FAM133B: variants seen among roughly 807,000 people sequenced by gnomAD.
FAM133B encodes the protein family with sequence similarity 133 member B, also known as protein FAM133B.
Under a neutral mutation model 46.4 loss-of-function variants are expected in FAM133B, and 25 were observed. That is an observed-to-expected ratio of 0.54 (90% confidence interval 0.39 to 0.75). The LOEUF (loss-of-function observed/expected upper bound fraction) is 0.75. Among genes scored for constraint, FAM133B ranks in the 30% least tolerant of loss-of-function variants. The pLI, the probability that FAM133B is intolerant of heterozygous loss-of-function variation, is 0.00. For synonymous variants in FAM133B, 75 were observed against 86.0 expected (o/e 0.87, Z 0.71); for missense variants, 205 against 277.6 (o/e 0.74, Z 1.86).
intron 10 of FAM133B, among the ~76,000 whole-genome samples, chr7:92,564,092 C>T (rs1322791012): frequency 6.6e-6 from 1 of 152,184 alleles, no homozygotes; most frequent in Non-Finnish European, 1.5e-5. Context: ...TTCCTACCCT[C>T]ATTGTATGGC....
In FAM133B at chr7:92,562,115, T is replaced by C; in HGVS notation, c.*167A>G. The C allele has an allele frequency of 1.5e-6, 1 of 659,828 alleles. No homozygotes were observed. 40.9% of individuals were successfully genotyped at this position (659,828 alleles called of 1,614,324 possible). ...TAGATGTTCAAGCAGCAGGCAACAT[T>C]TATGGCCCTTTCACACAGTGGCATC... On this transcript the variant is annotated 3_prime_UTR_variant, in exon 11 of 11. Coordinates refer to ENST00000445716, the MANE Select transcript of FAM133B (RefSeq NM_152789.4).
At chr7:92,565,549 T>C (rs752586734) in intron 10 of FAM133B, 45 of 160,188 alleles carry the variant, frequency 2.8e-4, no homozygotes, top group Non-Finnish European at 5.2e-4. Context: ...CTGCAAGCTC[T>C]GCCTCCCGGG....
intron 7 of FAM133B, 39 bp from the exon 8 acceptor site, chr7:92,575,860 G>A: frequency 1.0e-6 from 1 of 969,766 alleles, no homozygotes; most frequent in African/African-American, 1.6e-5. Flanking sequence ...TAAATGCCAA[G>A]GACACAGCAT....
In FAM133B at chr7:92,580,575, G is replaced by A. The variant is rs1241201731; in HGVS notation, c.122+931C>T. Among the ~76,000 whole-genome samples the A allele has an allele frequency of 2.0e-5, 3 of 152,232 alleles. No homozygotes were observed. In the East Asian group the frequency reaches 5.8e-4, roughly 29 times the overall value. On this transcript the variant is annotated intron_variant, in intron 2 of 10. Coordinates refer to ENST00000445716, the MANE Select transcript of FAM133B (RefSeq NM_152789.4). ...TCCCACTAGGGGAGGACCCTTCAAA[G>A]CCTGTTCCGGGACTTACCCAAACTT...
intron 10 of FAM133B, chr7:92,565,605 A>G (rs1794322212): frequency 5.9e-6 from 1 of 168,992 alleles, no homozygotes; most frequent in Non-Finnish European, 1.3e-5. Flanking sequence ...CTGGGACTAT[A>G]GGTGCCCGCC....
At chr7:92,586,681 C>G (rs187302185) in intron 1 of FAM133B, among the ~76,000 whole-genome samples, 44 of 152,220 alleles carry the variant, frequency 2.9e-4, no homozygotes, top group Admixed American at 1.4e-3. Context: ...AAATTGGTCT[C>G]AAGGGGATAT....
At chr7:92,572,872 G>C (rs990545653) in intron 8 of FAM133B, among the ~76,000 whole-genome samples, 1 of 152,124 alleles carries the variant, frequency 6.6e-6, no homozygotes, top group African/African-American at 2.4e-5. Flanking sequence ...TTAATTAGTA[G>C]AATACCATAA....
intron 8 of FAM133B, among the ~76,000 whole-genome samples, chr7:92,574,839 A>G (rs1040385843): frequency 6.6e-6 from 1 of 150,684 alleles, no homozygotes; most frequent in Non-Finnish European, 1.5e-5. Flanking sequence ...CGGGAAGCGG[A>G]GCTTGCAGTG....
At chr7:92,563,600 A>T (rs533118501) in intron 10 of FAM133B, among the ~76,000 whole-genome samples, 3 of 152,172 alleles carry the variant, frequency 2.0e-5, no homozygotes, top group Non-Finnish European at 4.4e-5. Context: ...AATGATGCCC[A>T]AATCTTTATA....
chr7:92,581,414 G>T, intron 2 of FAM133B, 92 bp downstream of exon 2: 1 of 1,038,834 alleles, frequency 9.6e-7, no homozygotes, highest in Non-Finnish European at 1.4e-6. Flanking sequence ...TCTGGCAATT[G>T]CTTGGTAATC....
At chr7:92,579,252 T>C in intron 3 of FAM133B, 65 bp downstream of exon 3, 2 of 1,411,052 alleles carry the variant, frequency 1.4e-6, no homozygotes, top group Non-Finnish European at 2.0e-6. Context: ...GTGCTGGAAT[T>C]ATAGGTATGA....
At chr7:92,590,029 G>C (rs1199294847) in intron 1 of FAM133B, 6 of 603,162 alleles carry the variant, frequency 9.9e-6, no homozygotes, top group South Asian at 2.0e-5. Flanking sequence ...AGCAGCGCCA[G>C]AAAGAGCGAC....
At chr7:92,566,138 T>C (rs938946581) in intron 9 of FAM133B, 77 bp from the exon 10 acceptor site, 21 of 1,340,918 alleles carry the variant, frequency 1.6e-5, no homozygotes, top group Middle Eastern at 2.6e-4. Flanking sequence ...TTTCATTCTC[T>C]ATCTTGCATC....
chr7:92,576,743 C>T (rs888626397), intron 7 of FAM133B, among the ~76,000 whole-genome samples: 1 of 152,116 alleles, frequency 6.6e-6, no homozygotes, highest in Non-Finnish European at 1.5e-5. Flanking sequence ...AATTTAGGTA[C>T]GGTATAGTAG....
intron 1 of FAM133B, among the ~76,000 whole-genome samples, chr7:92,588,514 A>C (rs1375927799): frequency 6.6e-6 from 1 of 152,216 alleles, no homozygotes; most frequent in Non-Finnish European, 1.5e-5. Context: ...AGCCAGGAGA[A>C]AGAACAACCC....
chr7:92,589,385 C>G (rs1346963071), intron 1 of FAM133B, among the ~76,000 whole-genome samples: 4 of 152,234 alleles, frequency 2.6e-5, no homozygotes, highest in Non-Finnish European at 5.9e-5. Context: ...TCTCTAACAA[C>G]TATCAAGGAC....
chr7:92,581,612 A>C lies in FAM133B; in HGVS notation c.25-9T>G, dbSNP rs756026290. 6 of 1,607,626 alleles carry C rather than the reference A, an allele frequency of 3.7e-6. No homozygotes were observed. Among genetic ancestry groups the C allele is most frequent in the Non-Finnish European group, 1.7e-6 (2 of 1,174,612 alleles). On this transcript the variant is annotated splice_polypyrimidine_tract_variant and intron_variant, in intron 1 of 10. Transcript: ENST00000445716. Reference sequence around the variant, plus strand: ...ATTGGGTTCATATAGGCCTTGGGGAAAGAACAACAATTAATCCATTAAAGC... The same window carrying C: ...ATTGGGTTCATATAGGCCTTGGGGACAGAACAACAATTAATCCATTAAAGC...
chr7:92,564,258 A>C (rs1348395065), intron 10 of FAM133B, among the ~76,000 whole-genome samples: 1 of 152,190 alleles, frequency 6.6e-6, no homozygotes, highest in African/African-American at 2.4e-5. Flanking sequence ...CTTGTAAATC[A>C]GATTTCAGCT....
rs775539557 is a variant in FAM133B at position 92,578,332 on chromosome 7, G to T, written c.263C>A (p.Ser88Tyr). 1.2e-5 allele frequency: 20 copies of T among 1,613,078 alleles called. 2 individuals carry two copies. The South Asian group carries it at 2.2e-4, about 18-fold the overall frequency. Residue 88 changes from serine (S) to tyrosine (Y), a missense_variant, in exon 4 of 11, where the codon TCC becomes TAC. By Grantham distance (144) the Ser-to-Tyr change is moderately radical. Transcript: ENST00000445716. ...AAGTGGTATTACCTGTCTTTTTTTGGATGAGCTCTCACTTCCACTTAACAA... is the reference window on the plus strand; with the variant it reads ...AAGTGGTATTACCTGTCTTTTTTTGTATGAGCTCTCACTTCCACTTAACAA... Reference protein sequence around the residue: ...EKLLSGSESSSKKRQRKKKEK... With the variant: ...EKLLSGSESSYKKRQRKKKEK...
Sources: allele counts gnomAD v4.1 joint callset (sites outside exome capture counted in the v4.1 genomes callset), GRCh38; gene constraint gnomAD v4.1.1; transcripts MANE v1.5; gene names NCBI Gene and HGNC (gene_info 2026-07-23, HGNC 2026-07-21).